RYR3: variants seen among roughly 807,000 people sequenced by gnomAD.
RYR3 encodes brain ryanodine receptor-calcium release channel.
RYR3 carries 207 observed loss-of-function variants against 584.3 expected under a neutral mutation model. The observed-to-expected ratio is 0.35, with a 90% confidence interval of 0.32 to 0.40. The LOEUF is 0.40. RYR3 is among the 10% of genes least tolerant of loss of function. RYR3 has a pLI of 1.00. For missense variants in RYR3, 5,616 were observed against 6,089.2 expected, an observed-to-expected ratio of 0.92 and a Z score of 2.59; for synonymous variants, 2,416 against 2,248.5, an observed-to-expected ratio of 1.07 and a Z score of -2.11.
At chr15:33,368,338 CT>C (rs35491164) in intron 1 of RYR3, among the ~76,000 whole-genome samples, 8,129 of 85,614 alleles carry the variant, frequency 0.095, 321 homozygotes, top group African/African-American at 0.2. Context: ...GCCTTCCTGT[CT>C]TTTTTTTTTT....
At chr15:33,544,935 G>T (rs943355608) in intron 8 of RYR3, among the ~76,000 whole-genome samples, 1 of 152,194 alleles carries the variant, frequency 6.6e-6, no homozygotes, top group Non-Finnish European at 1.5e-5. Context: ...CTACCCTGTC[G>T]TGTGATCCTG....
intron 60 of RYR3, among the ~76,000 whole-genome samples, chr15:33,760,278 G>C (rs28845189): frequency 6.6e-6 from 1 of 152,118 alleles, no homozygotes; most frequent in Non-Finnish European, 1.5e-5. Flanking sequence ...AATTCACAGA[G>C]AACAATGGTA....
Position 33,755,135 on chromosome 15 carries a change from A to T in RYR3, c.8470A>T (p.Ile2824Phe). 1 of 1,613,096 alleles carries T rather than the reference A, an allele frequency of 6.2e-7. No homozygotes were observed. Among genetic ancestry groups the T allele is most frequent in the South Asian group, 1.1e-5 (1 of 90,838 alleles). ...GTTTGCCTATAAGTTCTTGAAGAAG[A>T]TCCTGAAATACGTTGATTCTGCTCA... is the stretch of plus-strand genomic sequence containing the variant. ...KRFAYKFLKK[I>F]LKYVDSAQEF... Residue 2824 changes from isoleucine to phenylalanine, a missense_variant, in exon 58 of 104, where the codon ATC (isoleucine) becomes TTC (phenylalanine). Ile to Phe is a conservative substitution (Grantham distance 21, BLOSUM62 0). Around this residue, in one of 9 missense-constraint regions of RYR3, gnomAD observed 1,280 missense variants for 1,426.2 expected, o/e 0.90. Transcript: ENST00000634891.
chr15:33,725,180 C>CACATATAT (rs1555427015), intron 45 of RYR3, among the ~76,000 whole-genome samples: 2,980 of 143,890 alleles, frequency 0.021, 49 homozygotes, highest in Non-Finnish European at 0.03. Context: ...CACACACACA[C>CACATATAT]ACACACACAC....
At chr15:33,318,150 C>G (rs1306738811) in intron 1 of RYR3, among the ~76,000 whole-genome samples, 1 of 152,234 alleles carries the variant, frequency 6.6e-6, no homozygotes, top group Non-Finnish European at 1.5e-5. Context: ...GCTCTGGAGA[C>G]AGAGCTGCTG....
In RYR3 at chr15:33,584,446, T is replaced by A; in HGVS notation, c.1625T>A (p.Leu542His). ...RNNCAQFSNN[L>H]DWLISKLDRL... ...AATTGCGCTCAATTCTCCAATAACCTTGATTGGCTCATCAGTAAATTGGAC... is the reference window on the plus strand; with the variant it reads ...AATTGCGCTCAATTCTCCAATAACCATGATTGGCTCATCAGTAAATTGGAC... Residue 542 changes from leucine to histidine, a missense_variant, in exon 15 of 104, where the codon CTT (leucine) becomes CAT (histidine). Coordinates refer to ENST00000634891, the MANE Select transcript of RYR3 (RefSeq NM_001036.6). The A allele has an allele frequency of 1.2e-6, 2 of 1,605,912 alleles. No individual in the cohort carries two copies. Among genetic ancestry groups the A allele is most frequent in the South Asian group, 2.2e-5 (2 of 90,312 alleles).
chr15:33,677,777 G>A (rs1029502811), intron 38 of RYR3, among the ~76,000 whole-genome samples: 6 of 152,146 alleles, frequency 3.9e-5, no homozygotes, highest in Non-Finnish European at 7.4e-5. Flanking sequence ...AACCACAGAC[G>A]GAGGGAAATT....
chr15:33,812,817 G>C (rs1237807985), intron 72 of RYR3, 46 bp from the exon 73 acceptor site: 1 of 1,598,642 alleles, frequency 6.3e-7, no homozygotes, highest in Admixed American at 1.7e-5. Flanking sequence ...TTCAGTATAA[G>C]AAGTACAGGA....
rs747970625 is a variant in RYR3, at chr15:33,581,542, G to C, written c.1472G>C (p.Arg491Pro). ...GCCCTTGTCTTAAATTGCATTGACC[G>C]CTTAAATGTCTACAATAGCGTAGCA... ...MLALVLNCID[R>P]LNVYNSVAHF... Residue 491 changes from arginine to proline, a missense_variant, in exon 14 of 104, where the codon CGC (arginine) becomes CCC (proline). Around this residue, in one of 9 missense-constraint regions of RYR3, gnomAD observed 1,284 missense variants for 1,344.6 expected, o/e 0.95. Coordinates refer to ENST00000634891, the MANE Select transcript of RYR3 (RefSeq NM_001036.6). The C allele has an allele frequency of 8.7e-6, 14 of 1,613,254 alleles. No individual in the cohort carries two copies. The highest frequency in any genetic ancestry group is 1.2e-5 in the Non-Finnish European group (14 of 1,179,358).
chr15:33,459,666 T>G (rs1567284114), intron 1 of RYR3, among the ~76,000 whole-genome samples: 2 of 151,794 alleles, frequency 1.3e-5, no homozygotes, highest in East Asian at 1.9e-4. Flanking sequence ...CGGCTGAAAA[T>G]GGTGATGAAG....
At chr15:33,516,964 A>G (rs1025257035) in intron 3 of RYR3, among the ~76,000 whole-genome samples, 4 of 152,010 alleles carry the variant, frequency 2.6e-5, no homozygotes, top group African/African-American at 9.7e-5. Context: ...CAAACATGTT[A>G]CCCGGTGTTC....
At chr15:33,731,445 T>G (rs1291957308) in intron 47 of RYR3, 29 bp from the exon 48 acceptor site, 2 of 1,543,074 alleles carry the variant, frequency 1.3e-6, no homozygotes, top group African/African-American at 2.7e-5. Context: ...TCAGGGCAAT[T>G]AACCTGTGTC....
In RYR3 at chr15:33,584,456, C is replaced by T. The variant is rs759057893; in HGVS notation, c.1635C>T (p.Leu545=). The part of the protein sequence containing the change: ...CAQFSNNLDW[L]ISKLDRLESS... The stretch of plus-strand genomic sequence containing the variant: ...AATTCTCCAATAACCTTGATTGGCT[C>T]ATCAGTAAATTGGACAGACTAGAAT... Residue 545 remains leucine (L), a synonymous_variant, in exon 15 of 104, where the codon CTC becomes CTT. Transcript: ENST00000634891. 2 of 1,601,246 alleles carry T rather than the reference C, an allele frequency of 1.2e-6. No homozygotes were observed. Among genetic ancestry groups the T allele is most frequent in the Non-Finnish European group, 8.6e-7 (1 of 1,169,336 alleles).
chr15:33,650,415 A>T (rs1398009844), intron 31 of RYR3, among the ~76,000 whole-genome samples: 1 of 152,184 alleles, frequency 6.6e-6, no homozygotes, highest in Non-Finnish European at 1.5e-5. Context: ...TGGCTTTAGA[A>T]TAAACTGCCT....
At position 33,662,106 on chromosome 15, in the gene RYR3, T is replaced by G. The variant is rs1596030951; in HGVS notation, c.4623-47T>G. Reference sequence around the variant, plus strand: ...GCTGGATGAAATAGCTGGATTCTGGTGGGTTCTTCTCCCCCTGGTGTGGCT... The same window carrying G: ...GCTGGATGAAATAGCTGGATTCTGGGGGGTTCTTCTCCCCCTGGTGTGGCT... On this transcript the variant is annotated intron_variant, in intron 34 of 103. Coordinates refer to ENST00000634891, the MANE Select transcript of RYR3 (RefSeq NM_001036.6). The G allele has an allele frequency of 1.2e-5, 18 of 1,459,150 alleles. No homozygotes were observed. The East Asian group carries it at 4.1e-4, about 33-fold the overall frequency. The allele number at this position is 1,459,150 out of a possible 1,614,324, so 90.4% of individuals were successfully genotyped here.
rs117333485 is a variant in RYR3, at chr15:33,419,311, C to T, written c.52-54108C>T. Reference sequence around the variant, plus strand: ...GGCCAAGCACATTGAAATTCTTCAACCAAATCATTTTAGAGGTGTCAGTCC... The same window carrying T: ...GGCCAAGCACATTGAAATTCTTCAATCAAATCATTTTAGAGGTGTCAGTCC... On this transcript the variant is annotated intron_variant, in intron 1 of 103. Coordinates refer to ENST00000634891, the MANE Select transcript of RYR3 (RefSeq NM_001036.6). Among the ~76,000 whole-genome samples, 136 of 152,210 alleles carry T rather than the reference C, an allele frequency of 8.9e-4. 1 individual carries two copies. Among genetic ancestry groups the T allele is most frequent in the Middle Eastern group, 3.4e-3 (1 of 294 alleles).
At chr15:33,726,746 C>T (rs1021717604) in intron 46 of RYR3, among the ~76,000 whole-genome samples, 1 of 152,244 alleles carries the variant, frequency 6.6e-6, no homozygotes. Flanking sequence ...CTAGCATTTG[C>T]CCATTTCTGT....
chr15:33,471,927 C>T (rs796475994), intron 1 of RYR3, among the ~76,000 whole-genome samples: 103 of 152,224 alleles, frequency 6.8e-4, no homozygotes, highest in African/African-American at 2.5e-3. Flanking sequence ...GATCCTAACG[C>T]CCCTGGTTGA....
intron 27 of RYR3, among the ~76,000 whole-genome samples, chr15:33,640,326 A>G (rs2061731022): frequency 6.6e-6 from 1 of 152,144 alleles, no homozygotes; most frequent in South Asian, 2.1e-4. Context: ...TTTGTTTTCT[A>G]CAAGGCTTGT....
Sources: gnomAD v4.1 joint callset for allele counts (sites outside exome capture counted in the v4.1 genomes callset) on GRCh38, gnomAD v4.1.1 for gene constraint, gnomAD v4.1.1 regional missense constraint, MANE v1.5 for transcripts, NCBI Gene and HGNC (gene_info 2026-07-23, HGNC 2026-07-21) for gene names.